VPS13D: variants seen among roughly 807,000 people sequenced by gnomAD.
VPS13D encodes vacuolar protein sorting 13 homolog D.
In VPS13D, 187 loss-of-function variants were observed where a neutral mutation model predicts 461.9. The observed-to-expected ratio is 0.40, with a 90% CI of 0.36 to 0.46. The LOEUF is 0.46. Among genes scored for constraint, VPS13D ranks in the 20% least tolerant of loss-of-function variants. The pLI, the probability that VPS13D is intolerant of heterozygous loss-of-function variation, is 0.60. For missense variants in VPS13D, 4,711 were observed against 5,364.9 expected, an observed-to-expected ratio of 0.88 and a Z score of 3.81; for synonymous variants, 1,951 against 1,986.3, an observed-to-expected ratio of 0.98 and a Z score of 0.47.
At chr1:12,343,348 A>G (rs758729565) in intron 42 of VPS13D, among the ~76,000 whole-genome samples, 2 of 151,620 alleles carry the variant, frequency 1.3e-5, no homozygotes, top group African/African-American at 4.8e-5. Flanking sequence ...CTAATTTTTT[A>G]TTTTTAGTAG....
Position 12,507,062 on chromosome 1 carries a change from C to T in VPS13D, c.13004C>T (p.Ser4335Phe). The T allele has an allele frequency of 1.2e-6, 2 of 1,614,238 alleles. No individual in the cohort carries two copies. Among genetic ancestry groups the T allele is most frequent in the East Asian group, 2.2e-5 (1 of 44,890 alleles). ...GCCGTGAGCACGAGCAGTGGAGTGT[C>T]CATCCCCGGCCCCTCCCACCAGAAG... ...KKAVSTSSGV[S>F]IPGPSHQKPM... The change falls in exon 69 of 70, where the codon TCC (serine) becomes TTC (phenylalanine). Residue 4335 changes from serine (S) to phenylalanine (F), a missense_variant. Transcript: ENST00000620676. This position sits in a 1 kb window ranked among gnomAD's most constrained non-coding sequence, Gnocchi z 5.3.
intron 2 of VPS13D, among the ~76,000 whole-genome samples, chr1:12,238,239 A>AAT (rs1225994902): frequency 2.2e-5 from 3 of 138,052 alleles, no homozygotes; most frequent in Admixed American, 7.4e-5. Context: ...CCCCCCAAAA[A>AAT]ATATATATAT....
intron 26 of VPS13D, among the ~76,000 whole-genome samples, chr1:12,307,790 C>T (rs1642609123): frequency 6.6e-6 from 1 of 152,152 alleles, no homozygotes; most frequent in South Asian, 2.1e-4. Context: ...CCGCTCCCGG[C>T]TTACAGAAAG....
chr1:12,367,556 T>TTATTTATTTATTTATTTATG (rs1644054202), intron 52 of VPS13D: 1 of 148,852 alleles, frequency 6.7e-6, no homozygotes, highest in Non-Finnish European at 1.5e-5. Flanking sequence ...GCGATGAAAT[T>TTATTTATTTATTTATTTATG]TATTTATTTA....
chr1:12,396,410 G>T (rs781296047), intron 60 of VPS13D, among the ~76,000 whole-genome samples: 1 of 152,022 alleles, frequency 6.6e-6, no homozygotes, highest in Non-Finnish European at 1.5e-5. Flanking sequence ...TGAAAAAGTC[G>T]ACCTTTACAA....
At chr1:12,260,479 A>T (rs771419585) in intron 10 of VPS13D, among the ~76,000 whole-genome samples, 2 of 151,958 alleles carry the variant, frequency 1.3e-5, no homozygotes, top group Non-Finnish European at 2.9e-5. Flanking sequence ...TGTTTTTAAG[A>T]CCAAATAACA....
chr1:12,302,184 T>C (rs1345899772), intron 25 of VPS13D, among the ~76,000 whole-genome samples: 1 of 152,228 alleles, frequency 6.6e-6, no homozygotes, highest in Non-Finnish European at 1.5e-5. Flanking sequence ...ATTATAATCT[T>C]ACGGGAGCAT....
At position 12,401,602 on chromosome 1, in the gene VPS13D, C is replaced by G; in HGVS notation, c.11785-6C>G. The G allele has an allele frequency of 6.2e-7, 1 of 1,605,114 alleles. No individual in the cohort carries two copies. The highest frequency in any genetic ancestry group is 1.3e-5 in the African/African-American group (1 of 74,916). Reference sequence around the variant, plus strand: ...ACACTTTAAATCAGAATTTCTTTATCTCTAGCATCTGATGATCACAGCTCA... The same window carrying G: ...ACACTTTAAATCAGAATTTCTTTATGTCTAGCATCTGATGATCACAGCTCA... On this transcript the variant is annotated splice_region_variant and splice_polypyrimidine_tract_variant and intron_variant, in intron 61 of 69. Coordinates refer to ENST00000620676, the MANE Select transcript of VPS13D (RefSeq NM_015378.4).
In VPS13D at chr1:12,324,579, G is replaced by A. The variant is rs568691108; in HGVS notation, c.7990+799G>A. ...CTGCCACTACCTATTAATGACTTTG[G>A]GAAGTGGCTTTAACCTCTGTGAACC... On this transcript the variant is annotated intron_variant, in intron 35 of 69. Coordinates refer to ENST00000620676, the MANE Select transcript of VPS13D (RefSeq NM_015378.4). Among the ~76,000 whole-genome samples the A allele has an allele frequency of 5.9e-5, 9 of 152,298 alleles. No homozygotes were observed. The East Asian group carries it at 1.4e-3, about 23-fold the overall frequency.
At chr1:12,293,416 A>T in intron 23 of VPS13D, 108 bp from the exon 24 acceptor site, 1 of 1,068,622 alleles carries the variant, frequency 9.4e-7, no homozygotes, top group Non-Finnish European at 1.3e-6. Flanking sequence ...ATTTCCATTT[A>T]ATAATTAAAG....
At chr1:12,378,295 A>G (rs1433825845) in intron 55 of VPS13D, 133 bp from the exon 56 acceptor site, 3 of 731,844 alleles carry the variant, frequency 4.1e-6, no homozygotes, top group East Asian at 6.3e-5. Flanking sequence ...AAGCATTTAT[A>G]TAATGTGGAA....
rs571964084 is a variant in VPS13D at position 12,509,190 on chromosome 1, G to A, written c.*166G>A. ...ATGAGGAAAAGTACAAATGGAAATCGTATTAATTTGTGAGGCAGGGAGTTA... is the reference window on the plus strand; with the variant it reads ...ATGAGGAAAAGTACAAATGGAAATCATATTAATTTGTGAGGCAGGGAGTTA... On this transcript the variant is annotated 3_prime_UTR_variant, in exon 70 of 70. Coordinates refer to ENST00000620676, the MANE Select transcript of VPS13D (RefSeq NM_015378.4). 20 of 798,052 alleles carry A rather than the reference G, an allele frequency of 2.5e-5. No homozygotes were observed. The highest frequency in any genetic ancestry group is 1.6e-4 in the African/African-American group (9 of 57,370). 49.4% of individuals were successfully genotyped at this position (798,052 alleles called of 1,614,324 possible). A position where few individuals can be genotyped will look rare whatever the true frequency, so the allele number is the denominator to read the frequency against.
At chr1:12,250,455 A>T (rs1640698564) in intron 6 of VPS13D, among the ~76,000 whole-genome samples, 1 of 152,198 alleles carries the variant, frequency 6.6e-6, no homozygotes, top group Admixed American at 6.5e-5. Flanking sequence ...ACCAGGGAAA[A>T]AGACCAAATA....
rs189694539 is a variant in VPS13D at position 12,495,961 on chromosome 1, C to A, written c.12663-1539C>A. On this transcript the variant is annotated intron_variant, in intron 67 of 69. Transcript: ENST00000620676. The surrounding 1 kb of genome is among the most constrained non-coding windows in gnomAD (Gnocchi z 4.0). ...TTACCAGCATCCTCTCGGCAGCAGT[C>A]GTCCAGCTTCTCTCCTGATGGGTTA... 1.3e-5 allele frequency among the ~76,000 whole-genome samples: 2 copies of A among 152,318 alleles called. No homozygotes were observed. Among genetic ancestry groups the A allele is most frequent in the East Asian group, 3.9e-4 (2 of 5,180 alleles).
intron 67 of VPS13D, among the ~76,000 whole-genome samples, chr1:12,468,612 C>T (rs1010465941): frequency 2.0e-5 from 3 of 152,174 alleles, no homozygotes; most frequent in Non-Finnish European, 4.4e-5. Flanking sequence ...TTTTCTTGCC[C>T]TGATGTATTT....
intron 65 of VPS13D, among the ~76,000 whole-genome samples, chr1:12,450,101 T>C (rs1021845364): frequency 6.6e-6 from 1 of 152,020 alleles, no homozygotes; most frequent in African/African-American, 2.4e-5. Flanking sequence ...CCAGCCTGGG[T>C]AACAGACTGA....
At chr1:12,465,466 C>T (rs1645469932) in intron 67 of VPS13D, among the ~76,000 whole-genome samples, 1 of 152,122 alleles carries the variant, frequency 6.6e-6, no homozygotes, top group African/African-American at 2.4e-5. Context: ...AATGATAGAT[C>T]AGTGTTTAAG....
At chr1:12,255,840 G>A (rs1428490201) in intron 7 of VPS13D, among the ~76,000 whole-genome samples, 2 of 146,294 alleles carry the variant, frequency 1.4e-5, no homozygotes, top group East Asian at 2.0e-4. Flanking sequence ...GCAGTGAGCC[G>A]AGATTGCATC....
chr1:12,497,705 A>G (rs1645979542), intron 68 of VPS13D, 74 bp downstream of exon 68: 1 of 1,517,596 alleles, frequency 6.6e-7, no homozygotes, highest in African/African-American at 1.4e-5. Flanking sequence ...AGAAGTCTCC[A>G]TCTGATCTGA....
Sources: allele counts gnomAD v4.1 joint callset (sites outside exome capture counted in the v4.1 genomes callset), GRCh38; gene constraint gnomAD v4.1.1; non-coding constraint Gnocchi (gnomAD v3.1); transcripts MANE v1.5; gene names NCBI Gene and HGNC (gene_info 2026-07-23, HGNC 2026-07-21).